The following SAFB variants were observed in gnomAD, a reference collection of about 807,000 sequenced individuals.
SAFB encodes the protein scaffold attachment factor B1.
In SAFB, 15 loss-of-function variants were observed where a neutral mutation model predicts 101.6. That is an observed-to-expected ratio of 0.15 (90% CI 0.10 to 0.23). The LOEUF is 0.23. Among genes scored for constraint, SAFB ranks in the 10% least tolerant of loss-of-function variants. SAFB has a pLI of 1.00. For missense variants in SAFB, 930 were observed against 1,104.1 expected (o/e 0.84, Z 2.23); for synonymous variants, 449 against 407.5 (o/e 1.10, Z -1.23).
At chr19:5,631,055 T>C (rs1177232485) in intron 2 of SAFB, among the ~76,000 whole-genome samples, 6 of 152,094 alleles carry the variant, frequency 3.9e-5, no homozygotes, top group African/African-American at 1.4e-4. Flanking sequence ...CTGGGCATGG[T>C]GGCGGATGCC....
chr19:5,655,764 A>G (rs1034220400), intron 13 of SAFB, among the ~76,000 whole-genome samples: 7 of 152,214 alleles, frequency 4.6e-5, no homozygotes, highest in Admixed American at 6.5e-5. Context: ...CTTGTTCTAT[A>G]AAACACCTTT....
At position 5,667,751 on chromosome 19, in the gene SAFB, G is replaced by A; in HGVS notation, c.2558-69G>A. ...GGGCCTCACCAAAGGGAGTGGAGTG[G>A]GCTAAATGTGCCGTGGGTTCCACGC... On this transcript the variant is annotated intron_variant, in intron 19 of 20. Transcript: ENST00000588852. The surrounding 1 kb of genome is among the most constrained non-coding windows in gnomAD (Gnocchi z 4.0). 1.3e-6 allele frequency: 2 copies of A among 1,515,452 alleles called. No individual in the cohort carries two copies. Among genetic ancestry groups the A allele is most frequent in the Non-Finnish European group, 9.1e-7 (1 of 1,094,108 alleles). The allele number at this position is 1,515,452 out of a possible 1,614,324, so 93.9% of individuals were successfully genotyped here. A position where few individuals can be genotyped will look rare whatever the true frequency, so the allele number is the denominator to read the frequency against.
intron 2 of SAFB, among the ~76,000 whole-genome samples, chr19:5,633,899 G>A (rs369448303): frequency 1.3e-5 from 2 of 152,230 alleles, no homozygotes; most frequent in East Asian, 3.8e-4. Context: ...TTGTACCTCA[G>A]GAAATTAAGT....
chr19:5,630,481 A>G (rs1031156916), intron 2 of SAFB, among the ~76,000 whole-genome samples: 2 of 152,232 alleles, frequency 1.3e-5, no homozygotes, highest in African/African-American at 2.4e-5. Flanking sequence ...TAAAAATATG[A>G]CTGTAAGGCC....
chr19:5,664,171 C>T lies in SAFB; in HGVS notation c.2291+12C>T. 6.2e-7 allele frequency: 1 copy of T among 1,611,978 alleles called. No homozygotes were observed. Among genetic ancestry groups the T allele is most frequent in the South Asian group, 1.1e-5 (1 of 90,900 alleles). On this transcript the variant is annotated intron_variant, in intron 16 of 20. Transcript: ENST00000588852. Reference sequence around the variant, plus strand: ...CACTCGGTGGACAGGTCAGTTGGGCCCCTGCTGGGCGTGCGGGTTTTCTTT... The same window carrying T: ...CACTCGGTGGACAGGTCAGTTGGGCTCCTGCTGGGCGTGCGGGTTTTCTTT...
Position 5,654,114 on chromosome 19 carries a change from A to T in SAFB, c.1580A>T (p.Lys527Met). Residue 527 changes from lysine (K) to methionine (M), a missense_variant, in exon 12 of 21, where the codon AAG becomes ATG. By Grantham distance (95) the Lys-to-Met change is moderately conservative. Coordinates refer to ENST00000588852, the MANE Select transcript of SAFB (RefSeq NM_001201338.2). ...TGTGACAGAAAAGATGATGCTAAGA[A>T]GGGTGACGACGGAAGTGGAGAAAAG... is the stretch of plus-strand genomic sequence containing the variant. ...DKCDRKDDAK[K>M]GDDGSGEKSK... The T allele has an allele frequency of 1.2e-6, 2 of 1,614,188 alleles. No individual in the cohort carries two copies. Among genetic ancestry groups the T allele is most frequent in the Middle Eastern group, 1.6e-4 (1 of 6,062 alleles).
At chr19:5,668,053 A>C (rs930771944) in intron 20 of SAFB, 109 bp from the exon 21 acceptor site, 1 of 1,495,894 alleles carries the variant, frequency 6.7e-7, no homozygotes, top group Non-Finnish European at 9.0e-7. Flanking sequence ...AGGGGAGGGC[A>C]TTAGGAAGGG....
At chr19:5,636,227 G>A (rs376611911) in intron 2 of SAFB, among the ~76,000 whole-genome samples, 5 of 152,138 alleles carry the variant, frequency 3.3e-5, no homozygotes, top group South Asian at 2.1e-4. Flanking sequence ...AGAGAACACC[G>A]TATGGAGGGC....
At chr19:5,661,332 T>G (rs1307340706) in intron 14 of SAFB, among the ~76,000 whole-genome samples, 186 bp from the exon 15 acceptor site, 1 of 141,428 alleles carries the variant, frequency 7.1e-6, no homozygotes, top group Non-Finnish European at 1.5e-5. Flanking sequence ...GCCTCACTCC[T>G]GAGATCTTCC....
rs1418541149 is a variant in SAFB at position 5,667,966 on chromosome 19, C to T, written c.2624+80C>T. 5 of 1,476,820 alleles carry T rather than the reference C, an allele frequency of 3.4e-6. No homozygotes were observed. Among genetic ancestry groups the T allele is most frequent in the East Asian group, 4.6e-5 (2 of 43,652 alleles). 91.5% of individuals were successfully genotyped at this position (1,476,820 alleles called of 1,614,324 possible). On this transcript the variant is annotated intron_variant, in intron 20 of 20. Transcript: ENST00000588852. This position sits in a 1 kb window ranked among gnomAD's most constrained non-coding sequence, Gnocchi z 4.0. ...TTGCTGGAGGCTTAACAACCAAGTC[C>T]TTCCAGCTAGTGCCCCTCCCCCCAA...
At position 5,641,603 on chromosome 19, in the gene SAFB, CAGA is replaced by C. The variant is rs772452875; in HGVS notation, c.291_293del (p.Glu98del). 17 of 1,613,702 alleles carry C rather than the reference CAGA, an allele frequency of 1.1e-5. 1 individual carries two copies. Among genetic ancestry groups the C allele is most frequent in the Middle Eastern group, 1.6e-4 (1 of 6,084 alleles). ...ATGATTCTGTCTTCAGGGCGCAAAC[CAGA>C]AGAAGAGGGTGTGGAAGATAACGGG... On this transcript the variant is annotated inframe_deletion, in exon 3 of 21. Transcript: ENST00000588852.
intron 2 of SAFB, among the ~76,000 whole-genome samples, chr19:5,630,524 T>A (rs2053466917): frequency 6.6e-6 from 1 of 152,190 alleles, no homozygotes; most frequent in South Asian, 2.1e-4. Context: ...AATCCCACGA[T>A]GCAGGTGGAT....
In SAFB at chr19:5,667,599, C is replaced by T. The variant is rs2054362301; in HGVS notation, c.2557+149C>T. 2.8e-6 allele frequency: 2 copies of T among 704,706 alleles called. No homozygotes were observed. The highest frequency in any genetic ancestry group is 4.8e-6 in the Non-Finnish European group (2 of 414,524). The allele number at this position is 704,706 out of a possible 1,614,324, so 43.7% of individuals were successfully genotyped here. ...AAGAGCACTCCAGACACCGCCTGCT[C>T]TCTGGTGGTCTGGCCCAGGAGTTGG... On this transcript the variant is annotated intron_variant, in intron 19 of 20. Coordinates refer to ENST00000588852, the MANE Select transcript of SAFB (RefSeq NM_001201338.2). The surrounding 1 kb of genome is among the most constrained non-coding windows in gnomAD (Gnocchi z 4.0).
rs186630838 is a variant in SAFB at position 5,664,921 on chromosome 19, C to T, written c.2334+482C>T. The stretch of plus-strand genomic sequence containing the variant: ...ATCTGTGGTCTGTGCTCATTCTCTT[C>T]GGGGGCTAGCACATTAGAACAATAA... On this transcript the variant is annotated intron_variant, in intron 17 of 20. Coordinates refer to ENST00000588852, the MANE Select transcript of SAFB (RefSeq NM_001201338.2). 98 of 165,382 alleles carry T rather than the reference C, an allele frequency of 5.9e-4. 1 individual carries two copies. The highest frequency in any genetic ancestry group is 1.4e-3 in the Admixed American group (23 of 16,964). The allele number at this position is 165,382 out of a possible 1,614,324, so 10.2% of individuals were successfully genotyped here. A position where few individuals can be genotyped will look rare whatever the true frequency, so the allele number is the denominator to read the frequency against.
intron 1 of SAFB, chr19:5,624,144 T>C (rs1255075940): frequency 6.7e-6 from 1 of 150,236 alleles, no homozygotes; most frequent in African/African-American, 2.5e-5. Context: ...CTCTCTGGAC[T>C]TGGGGACCCT....
chr19:5,642,651 C>CCTT (rs2053744304), intron 4 of SAFB, among the ~76,000 whole-genome samples: 2 of 70,842 alleles, frequency 2.8e-5, no homozygotes, highest in Admixed American at 2.3e-4. Flanking sequence ...CCCTTCCTTT[C>CCTT]TTTTTTTTTT....
chr19:5,639,111 C>CTCTTG (rs1449256190), intron 2 of SAFB, among the ~76,000 whole-genome samples: 1 of 152,152 alleles, frequency 6.6e-6, no homozygotes, highest in Admixed American at 6.5e-5. Flanking sequence ...AGAATGGAAA[C>CTCTTG]AAGTAATCCC....
intron 12 of SAFB, 78 bp downstream of exon 12, chr19:5,654,278 G>A (rs943191292): frequency 6.3e-7 from 1 of 1,597,826 alleles, no homozygotes; most frequent in Non-Finnish European, 8.6e-7. Flanking sequence ...GTGATTAGCT[G>A]GCAACGGAAA....
chr19:5,623,727 C>T (rs1016651606), intron 1 of SAFB, among the ~76,000 whole-genome samples: 2 of 152,252 alleles, frequency 1.3e-5, no homozygotes, highest in East Asian at 3.9e-4. Context: ...CCCTGAAACC[C>T]TCACTTCCCA....
Sources: allele counts gnomAD v4.1 joint callset (sites outside exome capture counted in the v4.1 genomes callset), GRCh38; gene constraint gnomAD v4.1.1; non-coding constraint Gnocchi (gnomAD v3.1); transcripts MANE v1.5; gene names NCBI Gene and HGNC (gene_info 2026-07-23, HGNC 2026-07-21).